The following MAGI1 variants were observed in gnomAD, a reference collection of about 807,000 sequenced individuals.
MAGI1 encodes membrane associated guanylate kinase, WW and PDZ domain containing 1, also known as membrane-associated guanylate kinase, WW and PDZ domain-containing protein 1.
In MAGI1, 58 loss-of-function variants were observed where a neutral mutation model predicts 139.9. The observed-to-expected ratio is 0.41, with a 90% CI of 0.34 to 0.52. The LOEUF (loss-of-function observed/expected upper bound fraction) is 0.52. MAGI1 is among the 20% of genes least tolerant of loss of function. MAGI1 has a pLI of 0.12. For synonymous variants in MAGI1, 812 were observed against 737.9 expected (o/e 1.10, Z -1.63); for missense variants, 1,874 against 1,901.6 (o/e 0.99, Z 0.27).
intron 1 of MAGI1, among the ~76,000 whole-genome samples, chr3:65,979,095 C>CCCG (rs1553742298): frequency 1.7e-5 from 1 of 57,750 alleles, no homozygotes; most frequent in African/African-American, 4.6e-5. Context: ...TCTTCCCCCC[C>CCCG]CCCGCCACCC....
intron 1 of MAGI1, among the ~76,000 whole-genome samples, chr3:65,657,863 C>A (rs183791112): frequency 6.6e-6 from 1 of 152,112 alleles, no homozygotes; most frequent in Non-Finnish European, 1.5e-5. Flanking sequence ...CCAGATGATA[C>A]TGGGAAGGTC....
intron 1 of MAGI1, among the ~76,000 whole-genome samples, chr3:65,817,257 G>C (rs2041664207): frequency 6.6e-6 from 1 of 152,174 alleles, no homozygotes; most frequent in East Asian, 1.9e-4. Flanking sequence ...CAGATTATTT[G>C]AATTTTGTAT....
chr3:65,948,098 C>G (rs2063629539), intron 1 of MAGI1, among the ~76,000 whole-genome samples: 1 of 151,878 alleles, frequency 6.6e-6, no homozygotes, highest in Non-Finnish European at 1.5e-5. Context: ...CATGCCACCA[C>G]ACCAGGCTAA....
chr3:65,750,969 C>G (rs1217995638), intron 1 of MAGI1, among the ~76,000 whole-genome samples: 2 of 152,130 alleles, frequency 1.3e-5, no homozygotes. Context: ...ATAAGATGCA[C>G]CAGGCAAGTG....
At chr3:65,723,396 C>T (rs932218967) in intron 1 of MAGI1, among the ~76,000 whole-genome samples, 15 of 152,262 alleles carry the variant, frequency 9.9e-5, no homozygotes, top group African/African-American at 3.1e-4. Flanking sequence ...AGAGTTTCCC[C>T]ACCCCAAAGT....
At chr3:65,638,537 T>C (rs568866914) in intron 1 of MAGI1, among the ~76,000 whole-genome samples, 28 of 144,494 alleles carry the variant, frequency 1.9e-4, no homozygotes, top group African/African-American at 6.1e-4. Context: ...TTTCCTTCCT[T>C]CCTCCCACCT....
intron 2 of MAGI1, among the ~76,000 whole-genome samples, chr3:65,581,280 T>A (rs9821847): frequency 0.66 from 100,397 of 151,900 alleles, 33,949 homozygotes; most frequent in East Asian, 0.93. Context: ...ATATGACTTG[T>A]ATATGAACCT....
chr3:65,592,270 T>C (rs1040533594), intron 2 of MAGI1, among the ~76,000 whole-genome samples: 3 of 152,190 alleles, frequency 2.0e-5, no homozygotes, highest in African/African-American at 4.8e-5. Flanking sequence ...AAAGTAGGCA[T>C]GCATCTACTG....
chr3:65,800,314 G>A (rs2040433148), intron 1 of MAGI1, among the ~76,000 whole-genome samples: 1 of 152,170 alleles, frequency 6.6e-6, no homozygotes, highest in African/African-American at 2.4e-5. Context: ...GTAGGAGCAA[G>A]CAAAGTTTTA....
At chr3:65,984,514 G>A (rs1406979830) in intron 1 of MAGI1, among the ~76,000 whole-genome samples, 5 of 40,692 alleles carry the variant, frequency 1.2e-4, no homozygotes, top group Non-Finnish European at 2.5e-4. Flanking sequence ...AAAATAAAAT[G>A]TGTGTGTGTG....
At chr3:65,776,345 C>CA (rs927842496) in intron 1 of MAGI1, among the ~76,000 whole-genome samples, 2 of 146,098 alleles carry the variant, frequency 1.4e-5, no homozygotes, top group African/African-American at 2.5e-5. Context: ...ATATTAATGT[C>CA]AAAAAAAAGT....
chr3:65,448,137 C>T, intron 6 of MAGI1, 80 bp from the exon 7 acceptor site: 1 of 1,312,056 alleles, frequency 7.6e-7, no homozygotes, highest in Non-Finnish European at 1.1e-6. Context: ...AAGGAAATCT[C>T]CTCAGGAAAA....
intron 5 of MAGI1, among the ~76,000 whole-genome samples, chr3:65,459,908 G>C (rs1391004869): frequency 6.6e-6 from 1 of 152,110 alleles, no homozygotes; most frequent in Non-Finnish European, 1.5e-5. Context: ...ATGGGCAACA[G>C]GAGTGAGACC....
chr3:65,625,901 G>A (rs1202849453), intron 1 of MAGI1, among the ~76,000 whole-genome samples: 1 of 152,160 alleles, frequency 6.6e-6, no homozygotes. Context: ...TAAACATTTA[G>A]TGTGTGGTTA....
chr3:65,665,384 C>T (rs2107421956), intron 1 of MAGI1, among the ~76,000 whole-genome samples: 1 of 152,222 alleles, frequency 6.6e-6, no homozygotes, highest in Non-Finnish European at 1.5e-5. Context: ...GGAAAACAGG[C>T]TAAATTTGTG....
At chr3:65,761,332 T>C (rs2107879439) in intron 1 of MAGI1, among the ~76,000 whole-genome samples, 1 of 152,266 alleles carries the variant, frequency 6.6e-6, no homozygotes, top group African/African-American at 2.4e-5. Context: ...AAGATTCTTG[T>C]CCTGCCCAAC....
At chr3:65,499,497 A>G (rs2077001124) in intron 2 of MAGI1, among the ~76,000 whole-genome samples, 1 of 152,254 alleles carries the variant, frequency 6.6e-6, no homozygotes, top group East Asian at 1.9e-4. Context: ...AAAATACAAA[A>G]AATTAGCCAG....
intron 1 of MAGI1, among the ~76,000 whole-genome samples, chr3:65,957,155 C>T (rs892277880): frequency 1.3e-5 from 2 of 151,922 alleles, no homozygotes; most frequent in Non-Finnish European, 1.5e-5. Context: ...CTACAAGCAA[C>T]ACAAATCTCA....
intron 1 of MAGI1, among the ~76,000 whole-genome samples, chr3:65,871,462 A>G (rs2059937453): frequency 6.6e-6 from 1 of 152,180 alleles, no homozygotes; most frequent in Non-Finnish European, 1.5e-5. Context: ...ACACTGAGAA[A>G]AGCAAATTTG....
Sources: gnomAD v4.1 joint callset for allele counts (sites outside exome capture counted in the v4.1 genomes callset) on GRCh38, gnomAD v4.1.1 for gene constraint, MANE v1.5 for transcripts, NCBI Gene and HGNC (gene_info 2026-07-23, HGNC 2026-07-21) for gene names.